The following DMD variants were observed in gnomAD, a reference collection of about 807,000 sequenced individuals.
DMD encodes the protein dystrophin.
Under a neutral mutation model 330.1 loss-of-function variants are expected in DMD, and 63 were observed. The ratio of observed to expected loss-of-function variants is 0.19; its 90% CI spans 0.16 to 0.24. The LOEUF is 0.24. Among genes scored for constraint, DMD ranks in the 10% least tolerant of loss-of-function variants. DMD has a pLI of 1.00. For missense variants in DMD, 3,344 were observed against 2,684.1 expected (o/e 1.25, Z -5.43); for synonymous variants, 1,223 against 959.8 (o/e 1.27, Z -5.07).
At chrX:32,771,163 A>C (rs1048061174) in intron 7 of DMD, among the ~76,000 whole-genome samples, 3 of 112,071 alleles carry the variant, frequency 2.7e-5, no homozygotes, top group Non-Finnish European at 5.6e-5. Flanking sequence ...AGTTACTTTA[A>C]ACTGGATTAG....
At chrX:33,111,574 G>A (rs992388909) in intron 1 of DMD, among the ~76,000 whole-genome samples, 4 of 111,601 alleles carry the variant, frequency 3.6e-5, no homozygotes, top group African/African-American at 1.3e-4. Flanking sequence ...TAAACAAAAC[G>A]ACAAACATAA....
intron 63 of DMD, among the ~76,000 whole-genome samples, chrX:31,239,179 C>A (rs1388568610): frequency 9.0e-6 from 1 of 111,337 alleles, no homozygotes; most frequent in Non-Finnish European, 1.9e-5. Context: ...TGGAACAGAG[C>A]CCGAGGGTAA....
rs1054369036 is a variant in DMD, at chrX:33,331,369, G to T, written c.7+7890C>A. Among the ~76,000 whole-genome samples, 6 of 111,713 alleles carry T rather than the reference G, an allele frequency of 5.4e-5. No individual in the cohort carries two copies. In the South Asian group the frequency reaches 2.2e-3, roughly 41 times the overall value. ...CTCCCCTAAAACCCATACAATTTCA[G>T]GTTAGCATTAGTGTCACTTTCAATA... On this transcript the variant is annotated intron_variant, in intron 1 of 17. Transcript: ENST00000288447.
intron 55 of DMD, among the ~76,000 whole-genome samples, chrX:31,596,977 G>A (rs2077141214): frequency 8.9e-6 from 1 of 112,696 alleles, no homozygotes; most frequent in South Asian, 3.6e-4. Context: ...CTGATTCAGA[G>A]CATTGTGAGA....
intron 23 of DMD, among the ~76,000 whole-genome samples, chrX:32,465,219 C>T (rs1399428807): frequency 9.0e-6 from 1 of 111,600 alleles, no homozygotes; most frequent in African/African-American, 3.3e-5. Flanking sequence ...TTTGTCTGAC[C>T]AGTACGAAGT....
At chrX:31,590,351 T>A (rs778592824) in intron 55 of DMD, among the ~76,000 whole-genome samples, 3 of 111,498 alleles carry the variant, frequency 2.7e-5, no homozygotes, top group Admixed American at 1.9e-4. Flanking sequence ...CTCCAAATGA[T>A]TCTTCCAATG....
intron 2 of DMD, among the ~76,000 whole-genome samples, chrX:32,951,094 G>A (rs960790226): frequency 3.6e-5 from 4 of 111,194 alleles, no homozygotes; most frequent in East Asian, 2.8e-4. Flanking sequence ...TTCCTTCTGC[G>A]ATGAAGAATT....
intron 74 of DMD, among the ~76,000 whole-genome samples, chrX:31,159,076 A>G (rs1313680800): frequency 8.9e-6 from 1 of 111,927 alleles, no homozygotes; most frequent in Non-Finnish European, 1.9e-5. Flanking sequence ...AAGTAACAGA[A>G]AAACTCCAAA....
At chrX:31,435,268 C>T (rs1005452446) in intron 60 of DMD, among the ~76,000 whole-genome samples, 2 of 111,821 alleles carry the variant, frequency 1.8e-5, no homozygotes, top group African/African-American at 6.5e-5. Context: ...TCTCAGTAAG[C>T]GTAATGCTCA....
At chrX:33,022,300 ATTCTT>A (rs2093929082) in intron 1 of DMD, among the ~76,000 whole-genome samples, 1 of 110,809 alleles carries the variant, frequency 9.0e-6, no homozygotes, top group East Asian at 2.8e-4. Context: ...TAAAATTTTT[ATTCTT>A]TTCAATTATA....
At chrX:31,236,686 C>T (rs779813321) in intron 63 of DMD, among the ~76,000 whole-genome samples, 29 of 112,245 alleles carry the variant, frequency 2.6e-4, no homozygotes, top group African/African-American at 9.1e-4. Context: ...TAAAAACATA[C>T]AAGTTACTTC....
At chrX:32,743,936 AT>A (rs1403799408) in intron 7 of DMD, among the ~76,000 whole-genome samples, 2 of 111,582 alleles carry the variant, frequency 1.8e-5, no homozygotes, top group African/African-American at 3.2e-5. Context: ...ACATAAAAAA[AT>A]ATATACCTAA....
At position 33,053,324 on chromosome X, in the gene DMD, G is replaced by C. The variant is rs1463506203; in HGVS notation, c.32-33124C>G. ...AACATAGTTACTGTGGGCCGGGCGCGGTGGCTCATGCCTGTAATCCCATAA... is the reference window on the plus strand; with the variant it reads ...AACATAGTTACTGTGGGCCGGGCGCCGTGGCTCATGCCTGTAATCCCATAA... On this transcript the variant is annotated intron_variant, in intron 1 of 78. Transcript: ENST00000357033. Among the ~76,000 whole-genome samples, 2 of 111,332 alleles carry C rather than the reference G, an allele frequency of 1.8e-5. 1 individual carries two copies. The highest frequency in any genetic ancestry group is 6.5e-5 in the African/African-American group (2 of 30,605).
chrX:32,329,927 T>C (rs1320683790), intron 41 of DMD, among the ~76,000 whole-genome samples: 1 of 112,466 alleles, frequency 8.9e-6, no homozygotes, highest in Non-Finnish European at 1.9e-5. Context: ...ATTTAATCCA[T>C]GCATCTTTCA....
intron 62 of DMD, chrX:31,261,679 C>T (rs2050534299): frequency 8.9e-6 from 1 of 112,128 alleles, no homozygotes; most frequent in Non-Finnish European, 1.9e-5. Flanking sequence ...CTGAATGAAG[C>T]ATTCACAGCT....
chrX:32,975,825 C>T (rs1193132978), intron 2 of DMD, among the ~76,000 whole-genome samples: 2 of 111,392 alleles, frequency 1.8e-5, no homozygotes, highest in Non-Finnish European at 3.8e-5. Context: ...ATTTTCATGC[C>T]ATCACAGGGC....
chrX:31,356,924 C>CTTT (rs58097229), intron 60 of DMD, among the ~76,000 whole-genome samples: 2 of 74,292 alleles, frequency 2.7e-5, no homozygotes, highest in African/African-American at 5.0e-5. Flanking sequence ...TTTCTTCTGC[C>CTTT]TTTTTTTTTT....
intron 7 of DMD, among the ~76,000 whole-genome samples, chrX:32,750,395 T>A (rs752195363): frequency 8.9e-6 from 1 of 111,934 alleles, no homozygotes. Context: ...AGAAGAGAAA[T>A]CCACTTATTT....
At chrX:32,330,911 G>A (rs1486380435) in intron 41 of DMD, among the ~76,000 whole-genome samples, 1 of 111,259 alleles carries the variant, frequency 9.0e-6, no homozygotes, top group Admixed American at 9.6e-5. Flanking sequence ...ACAAAAAAAG[G>A]AAGAAACCAA....
Sources: gnomAD v4.1 joint callset for allele counts (sites outside exome capture counted in the v4.1 genomes callset) on GRCh38, gnomAD v4.1.1 for gene constraint, MANE v1.5 for transcripts, NCBI Gene and HGNC (gene_info 2026-07-23, HGNC 2026-07-21) for gene names.